Variants in HIP1R observed in about 807,000 individuals in gnomAD.
HIP1R encodes the protein huntingtin interacting protein 1 related.
In HIP1R, 135 loss-of-function variants were observed where a neutral mutation model predicts 144.2. The observed-to-expected ratio is 0.94, with a 90% CI of 0.81 to 1.08. The LOEUF (loss-of-function observed/expected upper bound fraction) is 1.08. HIP1R is among the 50% of genes least tolerant of loss of function. HIP1R has a pLI of 0.00. For missense variants in HIP1R, 1,462 were observed against 1,432.8 expected (o/e 1.02, Z -0.33); for synonymous variants, 698 against 612.8 (o/e 1.14, Z -2.05).
Position 122,848,456 on chromosome 12 carries a change from G to A in HIP1R, c.158-10G>A, listed in dbSNP as rs1220761135. ...AGTCTCTGCTTCCACACTTGGCCTT[G>A]ACATTGCAGGCATCATTCTGGGCAC... On this transcript the variant is annotated splice_polypyrimidine_tract_variant and intron_variant, in intron 2 of 31. Transcript: ENST00000253083. 2 of 1,606,528 alleles carry A rather than the reference G, an allele frequency of 1.2e-6. No individual in the cohort carries two copies. The highest frequency in any genetic ancestry group is 1.7e-6 in the Non-Finnish European group (2 of 1,175,908).
chr12:122,858,454 G>A lies in HIP1R; in HGVS notation c.2050+19G>A. ...TTGGCAGGTGAGTGTAGCCAGGGCA[G>A]GGCGGAGGCGGGGGCTGTGTCCCAG... On this transcript the variant is annotated intron_variant, in intron 20 of 31. Transcript: ENST00000253083. 1.3e-6 allele frequency: 2 copies of A among 1,566,586 alleles called. No homozygotes were observed. The highest frequency in any genetic ancestry group is 1.7e-6 in the Non-Finnish European group (2 of 1,151,886).
chr12:122,835,373 G>A, upstream of HIP1R: 1 of 1,093,042 alleles, frequency 9.1e-7, no homozygotes, highest in Middle Eastern at 3.9e-4. Flanking sequence ...GGGCGGGTTT[G>A]GAGGTGTGCG....
chr12:122,845,888 G>A (rs958388858), intron 1 of HIP1R, among the ~76,000 whole-genome samples: 50 of 152,178 alleles, frequency 3.3e-4, no homozygotes, highest in Admixed American at 2.9e-3. Context: ...AAAGAGGAGA[G>A]GGCAGCCCAT....
rs1379131288 is a variant in HIP1R, at chr12:122,855,151, G to A, written c.852+23G>A. 3.1e-6 allele frequency: 5 copies of A among 1,610,160 alleles called. No homozygotes were observed. In the South Asian group the frequency reaches 3.3e-5, roughly 11 times the overall value. On this transcript the variant is annotated intron_variant, in intron 10 of 31. Coordinates refer to ENST00000253083, the MANE Select transcript of HIP1R (RefSeq NM_003959.3). Reference sequence around the variant, plus strand: ...GAGGTACCACCCCCAAGAGGGCCCCGAGGCCCTTTGAGGACCCCAGGCACC... The same window carrying A: ...GAGGTACCACCCCCAAGAGGGCCCCAAGGCCCTTTGAGGACCCCAGGCACC...
intron 4 of HIP1R, 95 bp downstream of exon 4, chr12:122,848,947 C>A: frequency 7.5e-7 from 1 of 1,331,584 alleles, no homozygotes; most frequent in Non-Finnish European, 1.1e-6. Context: ...CAGTTCCCTG[C>A]GGGTGGCTGG....
chr12:122,843,681 C>T (rs961719904), intron 1 of HIP1R, among the ~76,000 whole-genome samples: 17 of 152,084 alleles, frequency 1.1e-4, no homozygotes, highest in African/African-American at 3.9e-4. Flanking sequence ...GAGCAGGTGG[C>T]CCCTGGGGCG....
At chr12:122,854,356 A>C (rs1566108813) in intron 8 of HIP1R, among the ~76,000 whole-genome samples, 173 bp downstream of exon 8, 2 of 151,688 alleles carry the variant, frequency 1.3e-5, no homozygotes, top group Non-Finnish European at 2.9e-5. Flanking sequence ...AAAAAAAAAA[A>C]AACCCACTAC....
Position 122,860,154 on chromosome 12 carries a change from C to G in HIP1R, c.2503C>G (p.Arg835Gly). The change falls in exon 26 of 32, where the codon CGG becomes GGG. Residue 835 changes from arginine to glycine, a missense_variant. By Grantham distance (125) the Arg-to-Gly change is moderately radical. This residue lies in a region of HIP1R where 1,112 missense variants were observed against 1,011.7 expected (regional missense o/e 1.10). Coordinates refer to ENST00000253083, the MANE Select transcript of HIP1R (RefSeq NM_003959.3). ...NSCTDLMKAI[R>G]LLVTTSTSLQ... is the part of the protein sequence containing the mutation. ...GCTGTCTTGGTCTCGGCAGGCTATC[C>G]GGCTCCTGGTGACGACATCCACTAG... The G allele has an allele frequency of 6.3e-7, 1 of 1,578,966 alleles. No individual in the cohort carries two copies. The highest frequency in any genetic ancestry group is 8.6e-7 in the Non-Finnish European group (1 of 1,164,560).
At chr12:122,860,864 C>T in intron 28 of HIP1R, 52 bp from the exon 29 acceptor site, 1 of 1,597,194 alleles carries the variant, frequency 6.3e-7, no homozygotes, top group Non-Finnish European at 8.5e-7. Context: ...CCCAGGCCTG[C>T]TGCTGCCCTG....
At chr12:122,859,028 G>GC in intron 21 of HIP1R, 33 bp from the exon 22 acceptor site, 1 of 1,606,586 alleles carries the variant, frequency 6.2e-7, no homozygotes, top group Non-Finnish European at 8.5e-7. Context: ...TGTCGGTGGG[G>GC]GGGGCTCCAC....
chr12:122,856,751 G>C (rs2033596168), intron 17 of HIP1R, 25 bp downstream of exon 17: 2 of 1,529,488 alleles, frequency 1.3e-6, no homozygotes, highest in African/African-American at 2.7e-5. Context: ...GATGACTGGA[G>C]GTGGGGTTCT....
At position 122,849,883 on chromosome 12, in the gene HIP1R, GCATGAC is replaced by G; in HGVS notation, c.368_373del (p.His123_Asp124del). 6.2e-7 allele frequency: 1 copy of G among 1,612,934 alleles called. No individual in the cohort carries two copies. The highest frequency in any genetic ancestry group is 8.5e-7 in the Non-Finnish European group (1 of 1,179,430). On this transcript the variant is annotated inframe_deletion, in exon 5 of 32. Coordinates refer to ENST00000253083, the MANE Select transcript of HIP1R (RefSeq NM_003959.3). ...TGTCTGTCTTCACACAGGGACATTT[GCATGAC>G]CGCTACGGACAGCTGGTGAATGTCT...
At chr12:122,858,814 C>A in intron 20 of HIP1R, 24 bp from the exon 21 acceptor site, 5 of 1,527,628 alleles carry the variant, frequency 3.3e-6, no homozygotes, top group Non-Finnish European at 4.5e-6. Context: ...CCTCCCCCAA[C>A]CTTGGCCCCA....
intron 1 of HIP1R, among the ~76,000 whole-genome samples, chr12:122,838,165 C>G (rs1279077255): frequency 1.3e-5 from 2 of 152,094 alleles, no homozygotes; most frequent in Non-Finnish European, 2.9e-5. Context: ...TTGCAAATAT[C>G]TGTGGGGTTA....
intron 1 of HIP1R, among the ~76,000 whole-genome samples, chr12:122,837,337 A>T (rs1458849731): frequency 2.1e-5 from 3 of 143,570 alleles, no homozygotes; most frequent in Admixed American, 6.9e-5. Context: ...TTTTTTTTTT[A>T]AAGACAGAGT....
Position 122,861,745 on chromosome 12 carries a change from A to C in HIP1R, c.3199A>C (p.Asn1067His), listed in dbSNP as rs1461909568. 1.2e-6 allele frequency: 2 copies of C among 1,613,946 alleles called. No individual in the cohort carries two copies. Among genetic ancestry groups the C allele is most frequent in the East Asian group, 4.5e-5 (2 of 44,890 alleles). The part of the protein sequence containing the change: ...KDGIYPAQLV[N>H]Y ...TGGCATCTACCCAGCTCAACTCGTG[A>C]ACTACTAGGCCCCCCAGGGGTCCAG... Residue 1067 changes from asparagine (N) to histidine (H), a missense_variant, in exon 32 of 32, where the codon AAC becomes CAC. Physicochemically the swap from Asn to His is moderately conservative, Grantham distance 68. Around this residue, in one of 2 missense-constraint regions of HIP1R, gnomAD observed 1,112 missense variants for 1,011.7 expected, o/e 1.10. Coordinates refer to ENST00000253083, the MANE Select transcript of HIP1R (RefSeq NM_003959.3).
chr12:122,850,947 C>A, intron 6 of HIP1R, 36 bp downstream of exon 6: 3 of 1,567,912 alleles, frequency 1.9e-6, no homozygotes, highest in Non-Finnish European at 2.6e-6. Flanking sequence ...GCCAGTTCCC[C>A]TCGGCTTCCC....
intron 24 of HIP1R, 80 bp from the exon 25 acceptor site, chr12:122,859,967 C>A: frequency 6.7e-7 from 1 of 1,485,704 alleles, no homozygotes; most frequent in Non-Finnish European, 9.1e-7. Flanking sequence ...CCTGCTGAGC[C>A]CTGATGTGGC....
chr12:122,861,663 T>C (rs753217303), intron 31 of HIP1R, 43 bp from the exon 32 acceptor site: 4 of 1,610,612 alleles, frequency 2.5e-6, no homozygotes, highest in Non-Finnish European at 3.4e-6. Flanking sequence ...GGGCCCCAGG[T>C]GCCTGGCTGT....
Sources: allele counts gnomAD v4.1 joint callset (sites outside exome capture counted in the v4.1 genomes callset), GRCh38; gene constraint gnomAD v4.1.1; regional missense constraint gnomAD v4.1.1; transcripts MANE v1.5; gene names NCBI Gene and HGNC (gene_info 2026-07-23, HGNC 2026-07-21).